SDK1: variants seen among roughly 807,000 people sequenced by gnomAD.
SDK1 encodes protein sidekick-1.
In SDK1, 157 loss-of-function variants were observed where a neutral mutation model predicts 245.5. The observed-to-expected ratio is 0.64, with a 90% CI of 0.56 to 0.73. The LOEUF is 0.73. Among genes scored for constraint, SDK1 ranks in the 30% least tolerant of loss-of-function variants. The pLI, the probability that SDK1 is intolerant of heterozygous loss-of-function variation, is 0.00. For missense variants in SDK1, 3,583 were observed against 3,002.3 expected (o/e 1.19, Z -4.52); for synonymous variants, 1,647 against 1,278.5 (o/e 1.29, Z -6.15).
intron 5 of SDK1, among the ~76,000 whole-genome samples, chr7:3,899,814 G>T (rs1484012610): frequency 6.6e-6 from 1 of 152,220 alleles, no homozygotes; most frequent in Non-Finnish European, 1.5e-5. Flanking sequence ...TCTATAGGGG[G>T]CGTTACCAGG....
intron 1 of SDK1, among the ~76,000 whole-genome samples, chr7:3,347,314 T>A (rs1414120421): frequency 1.3e-5 from 2 of 152,160 alleles, no homozygotes; most frequent in Non-Finnish European, 2.9e-5. Flanking sequence ...GCAGTATTTT[T>A]ATAGGTGAAA....
intron 4 of SDK1, among the ~76,000 whole-genome samples, chr7:3,735,905 A>G (rs1016297792): frequency 2.0e-5 from 3 of 152,112 alleles, no homozygotes; most frequent in Non-Finnish European, 2.9e-5. Flanking sequence ...CTACTCTCTC[A>G]TTGCGGTTTT....
chr7:3,766,417 C>A (rs958789448), intron 4 of SDK1, among the ~76,000 whole-genome samples: 4 of 152,066 alleles, frequency 2.6e-5, no homozygotes, highest in Non-Finnish European at 5.9e-5. Flanking sequence ...AGTTAGACTA[C>A]CTTGATTTTT....
chr7:3,498,743 T>G (rs376851592), intron 1 of SDK1, among the ~76,000 whole-genome samples: 3 of 151,982 alleles, frequency 2.0e-5, no homozygotes, highest in African/African-American at 7.2e-5. Flanking sequence ...TTTTTTTTTT[T>G]TTCCCCTTTA....
In SDK1 at chr7:3,752,023, C is replaced by T. The variant is rs190070905; in HGVS notation, c.714-69427C>T. ...AAGCTTTCAGCCAATGGGAAAAGTA[C>T]TCCTTTGGCCTTCTATGATTGACAT... On this transcript the variant is annotated intron_variant, in intron 4 of 44. Transcript: ENST00000404826. Among the ~76,000 whole-genome samples the T allele has an allele frequency of 3.7e-4, 57 of 152,326 alleles. 1 individual carries two copies. Among genetic ancestry groups the T allele is most frequent in the Middle Eastern group, 6.8e-3 (2 of 294 alleles).
chr7:3,623,245 C>CTTTTTTTTTTTTTTT (rs1183056855), intron 2 of SDK1, among the ~76,000 whole-genome samples: 1 of 117,964 alleles, frequency 8.5e-6, no homozygotes, highest in Non-Finnish European at 1.7e-5. Flanking sequence ...TGTTGTATTT[C>CTTTTTTTTTTTTTTT]TTTTTTTTTT....
intron 5 of SDK1, among the ~76,000 whole-genome samples, chr7:3,882,973 T>G (rs185486736): frequency 1.8e-3 from 275 of 152,306 alleles, no homozygotes; most frequent in Non-Finnish European, 3.3e-3. Flanking sequence ...TTTCCATAGA[T>G]CAGTTGAAGT....
rs7798643 is a variant in SDK1 at position 4,237,737 on chromosome 7, C to T, written c.6083C>T (p.Ala2028Val). 6.6e-4 allele frequency: 1,071 copies of T among 1,614,110 alleles called. 10 individuals are homozygous for T. In the African/African-American group the frequency reaches 0.012, roughly 19 times the overall value. Residue 2028 changes from alanine to valine, a missense_variant, in exon 42 of 45, where the codon GCC becomes GTC. By Grantham distance (64) the Ala-to-Val change is moderately conservative (BLOSUM62 0). Transcript: ENST00000404826. The stretch of plus-strand genomic sequence containing the variant: ...ATCGTCATCCTGCTGGTGGTGTTCG[C>T]CCTCGTCCTGCACGGGCAGAATAAG... Reference protein sequence around the residue: ...SLIVILLVVFALVLHGQNKKY... With the variant: ...SLIVILLVVFVLVLHGQNKKY...
chr7:3,320,025 A>G (rs1050612091), intron 1 of SDK1, among the ~76,000 whole-genome samples: 2 of 151,944 alleles, frequency 1.3e-5, no homozygotes, highest in African/African-American at 2.4e-5. Context: ...GTGGAGGGAT[A>G]TGATGAGGCA....
intron 2 of SDK1, among the ~76,000 whole-genome samples, chr7:3,620,918 T>G (rs1241033744): frequency 6.6e-6 from 1 of 152,186 alleles, no homozygotes; most frequent in Non-Finnish European, 1.5e-5. Flanking sequence ...AGGAAAAGTT[T>G]ATCATAGTAG....
intron 4 of SDK1, among the ~76,000 whole-genome samples, chr7:3,724,223 C>T (rs1778942323): frequency 6.6e-6 from 1 of 152,038 alleles, no homozygotes. Context: ...CCTTGGCCTC[C>T]CAAATTGCTG....
At chr7:4,203,774 C>T (rs577140139) in intron 35 of SDK1, among the ~76,000 whole-genome samples, 14 of 152,364 alleles carry the variant, frequency 9.2e-5, no homozygotes, top group South Asian at 2.1e-4. Flanking sequence ...CAAACCGACA[C>T]GCTTTGCTCA....
At chr7:3,724,895 A>G (rs1174157707) in intron 4 of SDK1, among the ~76,000 whole-genome samples, 21 of 152,122 alleles carry the variant, frequency 1.4e-4, no homozygotes, top group Admixed American at 1.4e-3. Context: ...GGCCATGCCT[A>G]CCTGGAAAGA....
intron 4 of SDK1, among the ~76,000 whole-genome samples, chr7:3,746,401 G>C (rs1287193480): frequency 1.3e-5 from 2 of 152,144 alleles, no homozygotes; most frequent in Non-Finnish European, 2.9e-5. Flanking sequence ...CTTAAAATAA[G>C]ACAACAGTGA....
intron 22 of SDK1, among the ~76,000 whole-genome samples, chr7:4,086,935 C>G (rs1451386533): frequency 1.3e-5 from 2 of 151,516 alleles, no homozygotes; most frequent in African/African-American, 4.9e-5. Context: ...AAGGCAAATG[C>G]ACATGTAAAC....
chr7:3,584,220 C>T (rs1344326790), intron 1 of SDK1, among the ~76,000 whole-genome samples: 1 of 152,106 alleles, frequency 6.6e-6, no homozygotes, highest in Non-Finnish European at 1.5e-5. Context: ...TGCTTTGTGA[C>T]TGTAGGAGGG....
chr7:3,613,179 A>G (rs574626738), intron 1 of SDK1, among the ~76,000 whole-genome samples: 2 of 152,236 alleles, frequency 1.3e-5, no homozygotes, highest in African/African-American at 2.4e-5. Context: ...AGCAATGAAA[A>G]TCCATCGCAA....
chr7:3,559,681 A>G lies in SDK1; in HGVS notation c.299-59399A>G, dbSNP rs550963263. Among the ~76,000 whole-genome samples the G allele has an allele frequency of 3.3e-5, 5 of 152,054 alleles. No homozygotes were observed. In the South Asian group the frequency reaches 8.3e-4, roughly 25 times the overall value. ...ACCTGTGTCCATTTGTGATTTCTAA[A>G]TAGTTTTTAAATCATAAATATTTGA... On this transcript the variant is annotated intron_variant, in intron 1 of 44. Transcript: ENST00000404826.
At chr7:3,760,773 C>T (rs1583385687) in intron 4 of SDK1, among the ~76,000 whole-genome samples, 2 of 152,184 alleles carry the variant, frequency 1.3e-5, no homozygotes, top group African/African-American at 2.4e-5. Context: ...TTGCCTTTCT[C>T]AGTAGGCAAT....
Sources: allele counts gnomAD v4.1 joint callset (sites outside exome capture counted in the v4.1 genomes callset), GRCh38; gene constraint gnomAD v4.1.1; transcripts MANE v1.5; gene names NCBI Gene and HGNC (gene_info 2026-07-23, HGNC 2026-07-21).